PAQR5: variants seen among roughly 807,000 people sequenced by gnomAD.
PAQR5 encodes the protein progestin and adipoQ receptor family member 5.
Under a neutral mutation model 34.5 loss-of-function variants are expected in PAQR5, and 20 were observed. The observed-to-expected ratio is 0.58, with a 90% CI of 0.41 to 0.84. The LOEUF (loss-of-function observed/expected upper bound fraction) is 0.84, where lower values mean the gene tolerates loss of function less well. Ranked by LOEUF, PAQR5 falls within the 40% of genes least tolerant of loss-of-function variation. PAQR5 has a pLI of 0.00. For missense variants in PAQR5, 378 were observed against 412.7 expected, an observed-to-expected ratio of 0.92 and a Z score of 0.73; for synonymous variants, 131 against 155.6, an observed-to-expected ratio of 0.84 and a Z score of 1.18.
chr15:69,305,515 G>A (rs2053695081), intron 1 of PAQR5, among the ~76,000 whole-genome samples: 1 of 152,090 alleles, frequency 6.6e-6, no homozygotes, highest in African/African-American at 2.4e-5. Flanking sequence ...GGGGTGGGTG[G>A]GGCGAGGCTC....
rs368152982 is a variant in PAQR5, at chr15:69,397,518, C to A, written c.563C>A (p.Ala188Asp). Reference sequence around the variant, plus strand: ...CTCTGTAAGGTGATTCGTGTCCTCGCCTTTGCTTATCCGTACACCTGGGAC... The same window carrying A: ...CTCTGTAAGGTGATTCGTGTCCTCGACTTTGCTTATCCGTACACCTGGGAC... ...PRLCKVIRVL[A>D]FAYPYTWDSL... is the part of the protein sequence containing the mutation. Residue 188 changes from alanine (A) to aspartate (D), a missense_variant, in exon 7 of 9, where the codon GCC (alanine) becomes GAC (aspartate). By Grantham distance (126) the Ala-to-Asp change is moderately radical. Coordinates refer to ENST00000395407, the MANE Select transcript of PAQR5 (RefSeq NM_017705.4). 5.0e-6 allele frequency: 8 copies of A among 1,613,848 alleles called. No homozygotes were observed. The African/African-American group carries it at 1.1e-4, about 22-fold the overall frequency.
intron 3 of PAQR5, among the ~76,000 whole-genome samples, chr15:69,370,313 C>T (rs981993278): frequency 2.0e-5 from 3 of 152,090 alleles, no homozygotes; most frequent in African/African-American, 7.2e-5. Context: ...TAAAATGGGT[C>T]GACAGTCCTT....
chr15:69,356,611 A>G (rs534034010), intron 2 of PAQR5, among the ~76,000 whole-genome samples: 2 of 152,218 alleles, frequency 1.3e-5, no homozygotes, highest in South Asian at 4.1e-4. Context: ...TCCCAAACAG[A>G]AACTCTGTGT....
chr15:69,373,324 A>G (rs942330958), intron 3 of PAQR5, among the ~76,000 whole-genome samples: 7 of 152,078 alleles, frequency 4.6e-5, no homozygotes, highest in Non-Finnish European at 1.0e-4. Flanking sequence ...TAGGATGTGA[A>G]CATTTTTGGG....
At chr15:69,313,394 G>T (rs923991917) in intron 1 of PAQR5, among the ~76,000 whole-genome samples, 8 of 152,230 alleles carry the variant, frequency 5.3e-5, no homozygotes, top group East Asian at 1.9e-4. Context: ...AGCTACTCAA[G>T]GGGGCTGAGG....
chr15:69,335,542 G>GTTTTTTT (rs56712868), intron 1 of PAQR5, among the ~76,000 whole-genome samples: 4 of 61,104 alleles, frequency 6.5e-5, no homozygotes, highest in Non-Finnish European at 1.1e-4. Context: ...ACCGCATCCA[G>GTTTTTTT]TTTTTTTTTT....
At chr15:69,304,508 G>C (rs1311539999) in intron 1 of PAQR5, among the ~76,000 whole-genome samples, 1 of 152,248 alleles carries the variant, frequency 6.6e-6, no homozygotes, top group Non-Finnish European at 1.5e-5. Flanking sequence ...AGGTGCGAGA[G>C]CTACAATCAT....
chr15:69,306,854 CT>C (rs1393364996), intron 1 of PAQR5, among the ~76,000 whole-genome samples: 1 of 152,172 alleles, frequency 6.6e-6, no homozygotes, highest in Non-Finnish European at 1.5e-5. Flanking sequence ...TTCCCCTCCC[CT>C]GGCCCCTTGC....
intron 6 of PAQR5, chr15:69,391,514 C>A (rs1173868589): frequency 5.4e-6 from 2 of 367,572 alleles, no homozygotes; most frequent in African/African-American, 2.1e-5. Flanking sequence ...ACAGTAATAA[C>A]CCTGCGGAAA....
chr15:69,362,159 C>T (rs771161559), intron 3 of PAQR5, among the ~76,000 whole-genome samples: 1 of 152,066 alleles, frequency 6.6e-6, no homozygotes, highest in Non-Finnish European at 1.5e-5. Context: ...GCTGGACAAC[C>T]CTGGCAGAGG....
Position 69,353,931 on chromosome 15 carries a change from G to A in PAQR5, c.-115-6035G>A, listed in dbSNP as rs145722299. 1.3e-3 allele frequency among the ~76,000 whole-genome samples: 194 copies of A among 152,294 alleles called. 2 individuals are homozygous for A. In the Middle Eastern group the frequency reaches 0.02, roughly 16 times the overall value. ...CCTCTGAATCAACAGGCTAAGAAGG[G>A]AGTGATGGTTTGGGCTGGGATGACT... On this transcript the variant is annotated intron_variant, in intron 2 of 8. Coordinates refer to ENST00000395407, the MANE Select transcript of PAQR5 (RefSeq NM_017705.4).
At chr15:69,391,935 T>C (rs775365530) in intron 6 of PAQR5, 38 of 391,198 alleles carry the variant, frequency 9.7e-5, no homozygotes, top group Non-Finnish European at 1.7e-4. Flanking sequence ...CAGGTACCTG[T>C]AATCCCAGCT....
intron 1 of PAQR5, among the ~76,000 whole-genome samples, chr15:69,304,601 A>G (rs569769547): frequency 6.6e-6 from 1 of 152,320 alleles, no homozygotes; most frequent in African/African-American, 2.4e-5. Context: ...CCTCCGATCC[A>G]GGTTTTGCCT....
intron 8 of PAQR5, among the ~76,000 whole-genome samples, chr15:69,402,351 T>C (rs1595956379): frequency 6.6e-6 from 1 of 151,444 alleles, no homozygotes; most frequent in East Asian, 1.9e-4. Context: ...GGAGTCTCGC[T>C]CTGTCGCCTA....
intron 4 of PAQR5, among the ~76,000 whole-genome samples, chr15:69,382,580 G>C (rs2055917201): frequency 6.8e-6 from 1 of 148,020 alleles, no homozygotes; most frequent in South Asian, 2.2e-4. Context: ...AGGAGGCAGA[G>C]GTTGCAGAGA....
chr15:69,396,692 G>A (rs976052237), intron 6 of PAQR5, among the ~76,000 whole-genome samples: 1 of 151,936 alleles, frequency 6.6e-6, no homozygotes, highest in South Asian at 2.1e-4. Flanking sequence ...CCCTCCCCAT[G>A]TCCTCCCAGT....
At chr15:69,343,618 A>C (rs539284042) in intron 2 of PAQR5, among the ~76,000 whole-genome samples, 2 of 152,218 alleles carry the variant, frequency 1.3e-5, no homozygotes, top group East Asian at 3.9e-4. Flanking sequence ...GTCTTTCATC[A>C]ATCAATTTCA....
intron 6 of PAQR5, among the ~76,000 whole-genome samples, chr15:69,393,488 G>A (rs2056327440): frequency 6.8e-6 from 1 of 146,344 alleles, no homozygotes; most frequent in South Asian, 2.2e-4. Flanking sequence ...TCTTCAATGA[G>A]GGCATCTGAG....
chr15:69,359,770 A>G (rs2055184830), intron 2 of PAQR5, among the ~76,000 whole-genome samples, 196 bp from the exon 3 acceptor site: 1 of 152,054 alleles, frequency 6.6e-6, no homozygotes, highest in Admixed American at 6.6e-5. Flanking sequence ...CTCCTCCCTT[A>G]TTATTAATTA....
Sources: gnomAD v4.1 joint callset for allele counts (sites outside exome capture counted in the v4.1 genomes callset) on GRCh38, gnomAD v4.1.1 for gene constraint, MANE v1.5 for transcripts, NCBI Gene and HGNC (gene_info 2026-07-23, HGNC 2026-07-21) for gene names.